AGBL4: variants seen among roughly 807,000 people sequenced by gnomAD.
The protein encoded by AGBL4 is cytosolic carboxypeptidase 6.
AGBL4 carries 58 observed loss-of-function variants against 66.4 expected under a neutral mutation model. The observed-to-expected ratio is 0.87, with a 90% CI of 0.71 to 1.09. The LOEUF is 1.09. AGBL4 is among the 50% of genes least tolerant of loss of function. AGBL4 has a pLI of 0.00. For missense variants in AGBL4, 579 were observed against 631.0 expected (o/e 0.92, Z 0.88); for synonymous variants, 234 against 222.9 (o/e 1.05, Z -0.44).
At chr1:49,962,194 T>A (rs1657172405) in intron 1 of AGBL4, among the ~76,000 whole-genome samples, 1 of 152,136 alleles carries the variant, frequency 6.6e-6, no homozygotes, top group Non-Finnish European at 1.5e-5. Flanking sequence ...TAAGAGGGAA[T>A]CATGCTGTGT....
intron 5 of AGBL4, among the ~76,000 whole-genome samples, chr1:49,001,834 T>C (rs1172216187): frequency 1.3e-5 from 2 of 152,136 alleles, no homozygotes; most frequent in Admixed American, 1.3e-4. Context: ...ACCTCTAGGG[T>C]ATGATATATA....
chr1:49,690,973 G>A (rs1271717050), intron 3 of AGBL4, among the ~76,000 whole-genome samples: 1 of 152,144 alleles, frequency 6.6e-6, no homozygotes, highest in Non-Finnish European at 1.5e-5. Context: ...GGCCTGGAAT[G>A]TATGTCTAAC....
intron 4 of AGBL4, among the ~76,000 whole-genome samples, chr1:49,170,185 T>C (rs1646708990): frequency 6.8e-6 from 1 of 147,602 alleles, no homozygotes. Flanking sequence ...TATAAATTTA[T>C]ATTCATATAA....
intron 1 of AGBL4, among the ~76,000 whole-genome samples, chr1:49,896,763 A>T (rs539379238): frequency 2.0e-5 from 3 of 151,972 alleles, no homozygotes; most frequent in Non-Finnish European, 4.4e-5. Flanking sequence ...CTCATGCATG[A>T]CCAAGTAGGA....
chr1:48,945,626 C>A (rs550296302), intron 5 of AGBL4, among the ~76,000 whole-genome samples: 1 of 152,274 alleles, frequency 6.6e-6, no homozygotes, highest in African/African-American at 2.4e-5. Flanking sequence ...TGTTCTGGTA[C>A]CTGGTAAATA....
chr1:48,844,928 C>T (rs1646878249), intron 6 of AGBL4, among the ~76,000 whole-genome samples: 1 of 152,160 alleles, frequency 6.6e-6, no homozygotes, highest in Non-Finnish European at 1.5e-5. Context: ...ATGCTTCTAC[C>T]AGAGGAAGAT....
At chr1:48,924,526 A>G (rs1208449782) in intron 5 of AGBL4, among the ~76,000 whole-genome samples, 2 of 152,312 alleles carry the variant, frequency 1.3e-5, no homozygotes, top group African/African-American at 4.8e-5. Flanking sequence ...TGAATGACAA[A>G]TTGAAGTAAA....
intron 5 of AGBL4, among the ~76,000 whole-genome samples, chr1:49,038,341 A>G (rs534997881): frequency 6.6e-5 from 10 of 152,248 alleles, no homozygotes; most frequent in African/African-American, 2.4e-4. Flanking sequence ...ACTCACACAC[A>G]GATCCACCAG....
intron 11 of AGBL4, among the ~76,000 whole-genome samples, chr1:48,549,914 A>T (rs1644224649): frequency 6.6e-6 from 1 of 152,198 alleles, no homozygotes; most frequent in African/African-American, 2.4e-5. Context: ...AATGAGATGC[A>T]TAAGACTGAA....
At chr1:48,688,542 G>A (rs1037586551) in intron 6 of AGBL4, among the ~76,000 whole-genome samples, 1 of 152,176 alleles carries the variant, frequency 6.6e-6, no homozygotes, top group Non-Finnish European at 1.5e-5. Flanking sequence ...ATACTATGAT[G>A]TTATGCAGTC....
At chr1:48,589,341 A>C (rs923027) in intron 10 of AGBL4, among the ~76,000 whole-genome samples, 56,419 of 152,002 alleles carry the variant, frequency 0.37, 10,894 homozygotes, top group South Asian at 0.51. Context: ...GTGCATCTTA[A>C]CACGCAGAGA....
At chr1:49,454,481 G>T (rs1156273671) in intron 3 of AGBL4, among the ~76,000 whole-genome samples, 2 of 151,712 alleles carry the variant, frequency 1.3e-5, no homozygotes, top group African/African-American at 4.8e-5. Context: ...AAGGCTTTAT[G>T]AATATATTCT....
At chr1:48,555,171 T>C (rs1046606415) in intron 11 of AGBL4, among the ~76,000 whole-genome samples, 7 of 138,156 alleles carry the variant, frequency 5.1e-5, no homozygotes, top group Non-Finnish European at 8.0e-5. Flanking sequence ...CTGAGCTGAA[T>C]TGAGGGGGTA....
At chr1:48,755,447 T>C (rs1421202027) in intron 6 of AGBL4, among the ~76,000 whole-genome samples, 1 of 152,196 alleles carries the variant, frequency 6.6e-6, no homozygotes, top group African/African-American at 2.4e-5. Flanking sequence ...GCTAGGCCCC[T>C]AGCTGAGGTG....
intron 9 of AGBL4, among the ~76,000 whole-genome samples, chr1:48,591,508 A>T (rs1467995376): frequency 6.6e-6 from 1 of 152,178 alleles, no homozygotes; most frequent in African/African-American, 2.4e-5. Context: ...TTCTTATCTG[A>T]AAAACGAGTA....
At position 49,913,917 on chromosome 1, in the gene AGBL4, G is replaced by A. The variant is rs144221366; in HGVS notation, c.35-62399C>T. 1.1e-4 allele frequency among the ~76,000 whole-genome samples: 17 copies of A among 152,258 alleles called. 1 individual carries two copies. In the East Asian group the frequency reaches 3.1e-3, roughly 28 times the overall value. On this transcript the variant is annotated intron_variant, in intron 1 of 13. Coordinates refer to ENST00000371839, the MANE Select transcript of AGBL4 (RefSeq NM_032785.4). ...CCCTGGCAGCAAGCCCATGGAGGGT[G>A]CCCCAGGCCCATCCCTAAAAACAAT... is the stretch of plus-strand genomic sequence containing the variant.
intron 5 of AGBL4, among the ~76,000 whole-genome samples, chr1:48,886,772 C>T (rs1650396329): frequency 6.6e-6 from 1 of 152,060 alleles, no homozygotes; most frequent in Non-Finnish European, 1.5e-5. Flanking sequence ...AGGATGGTCT[C>T]GATCTCCAGA....
chr1:49,143,139 A>G (rs1390629055), intron 4 of AGBL4, among the ~76,000 whole-genome samples: 1 of 152,060 alleles, frequency 6.6e-6, no homozygotes, highest in Non-Finnish European at 1.5e-5. Context: ...CCACCTCCCA[A>G]TACTTTATCT....
chr1:49,702,028 G>A (rs1195771957), intron 2 of AGBL4, among the ~76,000 whole-genome samples: 1 of 151,838 alleles, frequency 6.6e-6, no homozygotes, highest in Non-Finnish European at 1.5e-5. Flanking sequence ...GATAAAGTAT[G>A]TTGTCTGGAA....
Sources: allele counts gnomAD v4.1 joint callset (sites outside exome capture counted in the v4.1 genomes callset), GRCh38; gene constraint gnomAD v4.1.1; transcripts MANE v1.5; gene names NCBI Gene and HGNC (gene_info 2026-07-23, HGNC 2026-07-21).